The following RANBP2 variants were observed in gnomAD, a reference collection of about 807,000 sequenced individuals.
RANBP2 encodes E3 SUMO-protein ligase RanBP2.
In RANBP2, 57 loss-of-function variants were observed where a neutral mutation model predicts 303.6. The observed-to-expected ratio is 0.19, with a 90% confidence interval of 0.15 to 0.23. The LOEUF is 0.23. RANBP2 is among the 10% of genes least tolerant of loss of function. The pLI is 1.00. For missense variants in RANBP2, 3,138 were observed against 3,780.8 expected, an observed-to-expected ratio of 0.83 and a Z score of 4.46; for synonymous variants, 1,167 against 1,301.5, an observed-to-expected ratio of 0.90 and a Z score of 2.23.
chr2:109,188,135 CAA>C, the RANBP2 span, among the ~76,000 whole-genome samples: 1 of 152,232 alleles, frequency 6.6e-6, no homozygotes, highest in Non-Finnish European at 1.5e-5. Flanking sequence ...GCATGGGAAA[CAA>C]AATATGACTT....
chr2:109,365,917 T>G, the RANBP2 span, among the ~76,000 whole-genome samples: 1 of 152,218 alleles, frequency 6.6e-6, no homozygotes, highest in African/African-American at 2.4e-5. Flanking sequence ...TTTCAACATT[T>G]AAAAAAATTT....
At chr2:109,009,191 T>G in the RANBP2 span, among the ~76,000 whole-genome samples, 1 of 151,724 alleles carries the variant, frequency 6.6e-6, no homozygotes, top group Non-Finnish European at 1.5e-5. Flanking sequence ...TACAAAAAAA[T>G]TAGCCTGGCA....
the RANBP2 span, among the ~76,000 whole-genome samples, chr2:109,055,056 A>G: frequency 6.6e-6 from 1 of 152,214 alleles, no homozygotes; most frequent in Non-Finnish European, 1.5e-5. Context: ...CTTGCTATGA[A>G]TAAAGCTGCT....
chr2:109,012,574 C>T, the RANBP2 span, among the ~76,000 whole-genome samples: 10 of 151,972 alleles, frequency 6.6e-5, no homozygotes, highest in Non-Finnish European at 1.3e-4. Context: ...GCTTTTAGCC[C>T]CTCCTCCACC....
chr2:108,876,159 C>T, the RANBP2 span: 9 of 1,612,272 alleles, frequency 5.6e-6, no homozygotes, highest in Non-Finnish European at 5.1e-6. Context: ...ACAACAAACC[C>T]AGAGCATGCA....
At chr2:109,767,031 AT>A in the RANBP2 span, among the ~76,000 whole-genome samples, 1 of 140,948 alleles carries the variant, frequency 7.1e-6, no homozygotes, top group Non-Finnish European at 1.5e-5. Flanking sequence ...GCAGCTCATG[AT>A]TTTTCTCATT....
chr2:108,725,469 A>C (rs568583759), intron 1 of RANBP2, among the ~76,000 whole-genome samples: 11 of 152,320 alleles, frequency 7.2e-5, no homozygotes, highest in African/African-American at 2.6e-4. Context: ...TCATTTTGAA[A>C]AGGGGGAACT....
At chr2:109,062,342 G>C in the RANBP2 span, among the ~76,000 whole-genome samples, 46 of 152,296 alleles carry the variant, frequency 3.0e-4, 1 homozygote, top group South Asian at 9.3e-3. Flanking sequence ...GCGACAGAGG[G>C]AGTAAGGCTG....
chr2:109,007,100 G>A, the RANBP2 span, among the ~76,000 whole-genome samples: 1 of 152,186 alleles, frequency 6.6e-6, no homozygotes, highest in African/African-American at 2.4e-5. Flanking sequence ...AAAGAAGCCC[G>A]ACCTGGAAAT....
At chr2:108,945,223 T>C in the RANBP2 span, among the ~76,000 whole-genome samples, 1 of 152,138 alleles carries the variant, frequency 6.6e-6, no homozygotes, top group Admixed American at 6.5e-5. Flanking sequence ...CCTGGGGCAC[T>C]GTATATTCCA....
the RANBP2 span, among the ~76,000 whole-genome samples, chr2:109,008,188 T>G: frequency 1.3e-5 from 2 of 152,218 alleles, no homozygotes; most frequent in Non-Finnish European, 2.9e-5. Flanking sequence ...TGATCCTGTG[T>G]TATAGTTACC....
chr2:109,455,478 A>G, the RANBP2 span, among the ~76,000 whole-genome samples: 2 of 152,278 alleles, frequency 1.3e-5, no homozygotes, highest in South Asian at 4.1e-4. Flanking sequence ...TGTGGGACAC[A>G]TGTGTGCACC....
chr2:109,049,577 G>A, the RANBP2 span, among the ~76,000 whole-genome samples: 343 of 152,240 alleles, frequency 2.3e-3, no homozygotes, highest in South Asian at 4.3e-3. Flanking sequence ...TGCTTCTCTT[G>A]GTATCCAAGG....
At chr2:109,663,359 A>G in the RANBP2 span, among the ~76,000 whole-genome samples, 1 of 152,194 alleles carries the variant, frequency 6.6e-6, no homozygotes, top group Admixed American at 6.5e-5. Context: ...AAGGCAAGGA[A>G]GGTGTTTCAT....
chr2:109,371,808 C>A, the RANBP2 span: 3 of 775,270 alleles, frequency 3.9e-6, no homozygotes, highest in Non-Finnish European at 6.5e-6. Flanking sequence ...TAGCCTCTGG[C>A]CAGAGAGCTG....
intron 1 of RANBP2, among the ~76,000 whole-genome samples, chr2:108,726,691 G>C (rs1461982270): frequency 6.6e-6 from 1 of 151,430 alleles, no homozygotes; most frequent in African/African-American, 2.4e-5. Context: ...AGGGGGATTT[G>C]GCAGGGTCAT....
At chr2:109,357,791 C>T in the RANBP2 span, among the ~76,000 whole-genome samples, 42,543 of 152,094 alleles carry the variant, frequency 0.28, 6,887 homozygotes, top group Non-Finnish European at 0.37. Context: ...TGTAAGTTCA[C>T]AGCAAAATTG....
At chr2:109,454,921 A>G in the RANBP2 span, among the ~76,000 whole-genome samples, 1 of 152,112 alleles carries the variant, frequency 6.6e-6, no homozygotes, top group East Asian at 1.9e-4. Context: ...TTTATGGGCC[A>G]GAAAAAAAAA....
At chr2:109,373,592 G>GCACA in the RANBP2 span, among the ~76,000 whole-genome samples, 1 of 152,000 alleles carries the variant, frequency 6.6e-6, no homozygotes, top group Non-Finnish European at 1.5e-5. Context: ...AGGTTCAAAA[G>GCACA]CAGACAGAAC....
Sources: gnomAD v4.1 joint callset for allele counts (sites outside exome capture counted in the v4.1 genomes callset) on GRCh38, gnomAD v4.1.1 for gene constraint, MANE v1.5 for transcripts, NCBI Gene and HGNC (gene_info 2026-07-23, HGNC 2026-07-21) for gene names.